The following KCNN2 variants were observed in gnomAD, a reference collection of about 807,000 sequenced individuals.
KCNN2 encodes the protein small conductance calcium-activated potassium channel protein 2.
KCNN2 carries 24 observed loss-of-function variants against 55.5 expected under a neutral mutation model. The observed-to-expected ratio is 0.43, with a 90% CI of 0.31 to 0.61. The LOEUF (loss-of-function observed/expected upper bound fraction) is 0.61. Among genes scored for constraint, KCNN2 ranks in the 20% least tolerant of loss-of-function variants. The pLI is 0.08. For synonymous variants in KCNN2, 431 were observed against 336.1 expected (o/e 1.28, Z -3.09); for missense variants, 754 against 853.6 (o/e 0.88, Z 1.45).
intron 1 of KCNN2, among the ~76,000 whole-genome samples, chr5:114,091,665 A>C (rs943860330): frequency 6.6e-6 from 1 of 152,204 alleles, no homozygotes; most frequent in African/African-American, 2.4e-5. Context: ...TTCACAGTTC[A>C]TTGTGGCTGG....
intron 2 of KCNN2, among the ~76,000 whole-genome samples, chr5:114,238,530 G>T (rs1339839779): frequency 6.6e-6 from 1 of 151,818 alleles, no homozygotes; most frequent in East Asian, 1.9e-4. Context: ...GGGGACTGAG[G>T]CAGGAGAATC....
At chr5:114,407,320 T>A (rs897721209) in intron 3 of KCNN2, among the ~76,000 whole-genome samples, 3 of 152,186 alleles carry the variant, frequency 2.0e-5, no homozygotes, top group Non-Finnish European at 4.4e-5. Context: ...TTTTGCTCTA[T>A]ATATGGAAGA....
At chr5:114,203,049 G>T (rs1753706324) in intron 1 of KCNN2, among the ~76,000 whole-genome samples, 1 of 152,282 alleles carries the variant, frequency 6.6e-6, no homozygotes, top group East Asian at 1.9e-4. Flanking sequence ...GTGAAGGAAA[G>T]CCATTACACA....
At chr5:114,280,906 G>A (rs1485139648) in intron 2 of KCNN2, among the ~76,000 whole-genome samples, 1 of 152,072 alleles carries the variant, frequency 6.6e-6, no homozygotes, top group Non-Finnish European at 1.5e-5. Context: ...GCCTGTCCTT[G>A]TTCTGTTCTC....
chr5:114,445,817 C>G (rs1229348686), intron 3 of KCNN2, among the ~76,000 whole-genome samples: 2 of 152,220 alleles, frequency 1.3e-5, no homozygotes, highest in Non-Finnish European at 2.9e-5. Flanking sequence ...GAGACACTCT[C>G]TTTTATTCTA....
At chr5:114,266,876 T>C (rs886103026) in intron 2 of KCNN2, among the ~76,000 whole-genome samples, 25 of 152,212 alleles carry the variant, frequency 1.6e-4, no homozygotes, top group African/African-American at 6.0e-4. Context: ...TAAGATGTCT[T>C]ATATATGCCC....
In KCNN2 at chr5:114,138,763, G is replaced by A. The variant is rs563242919; in HGVS notation, c.-271+82263G>A. Among the ~76,000 whole-genome samples, 15 of 152,248 alleles carry A rather than the reference G, an allele frequency of 9.9e-5. No individual in the cohort carries two copies. The South Asian group carries it at 3.1e-3, about 32-fold the overall frequency. ...GGGTGTGGGACCCAGATATCTGTAA[G>A]GATGGGAGGTAGAGGAGGAGGAAGA... On this transcript the variant is annotated intron_variant, in intron 1 of 10. Coordinates refer to the KCNN2 transcript ENST00000512097.
intron 5 of KCNN2, among the ~76,000 whole-genome samples, chr5:114,475,865 C>T (rs919599923): frequency 2.0e-5 from 3 of 152,126 alleles, no homozygotes; most frequent in Non-Finnish European, 4.4e-5. Flanking sequence ...GATGATGCTA[C>T]AGCTTTTTTG....
intron 2 of KCNN2, among the ~76,000 whole-genome samples, chr5:114,379,809 C>A (rs1472971421): frequency 7.2e-6 from 1 of 138,974 alleles, no homozygotes; most frequent in Non-Finnish European, 1.5e-5. Context: ...TATTATATAA[C>A]ATATTATATA....
At chr5:114,131,252 C>G (rs1057378473) in intron 1 of KCNN2, among the ~76,000 whole-genome samples, 2 of 152,140 alleles carry the variant, frequency 1.3e-5, no homozygotes, top group African/African-American at 4.8e-5. Flanking sequence ...GCCCTGCAAG[C>G]ATTAGCTGGT....
chr5:114,219,087 G>C (rs1358236785), intron 1 of KCNN2, among the ~76,000 whole-genome samples: 1 of 152,230 alleles, frequency 6.6e-6, no homozygotes, highest in Non-Finnish European at 1.5e-5. Context: ...GATTCAGCCA[G>C]CTGCTTTTGG....
At chr5:114,332,694 G>A (rs1014629754) in intron 2 of KCNN2, among the ~76,000 whole-genome samples, 1 of 152,188 alleles carries the variant, frequency 6.6e-6, no homozygotes, top group African/African-American at 2.4e-5. Context: ...ACTTGCTGAA[G>A]TAACTACTCA....
At chr5:114,331,135 A>G (rs1443201959) in intron 2 of KCNN2, among the ~76,000 whole-genome samples, 1 of 152,194 alleles carries the variant, frequency 6.6e-6, no homozygotes, top group Non-Finnish European at 1.5e-5. Flanking sequence ...CAAGTTTCTG[A>G]GTATAAGCGG....
Position 114,486,724 on chromosome 5 carries a change from T to C in KCNN2, c.1891-326T>C, listed in dbSNP as rs569864116. On this transcript the variant is annotated intron_variant, in intron 5 of 7. Coordinates refer to ENST00000673685, the MANE Select transcript of KCNN2 (RefSeq NM_021614.4). Reference sequence around the variant, plus strand: ...GAAAGGAAGATCATGGAGACAACAATTGCAATACACGGTGGAGAACTCAAC... The same window carrying C: ...GAAAGGAAGATCATGGAGACAACAACTGCAATACACGGTGGAGAACTCAAC... The C allele has an allele frequency of 1.5e-5, 20 of 1,292,292 alleles. No individual in the cohort carries two copies. In the Admixed American group the frequency reaches 1.6e-4, roughly 10 times the overall value. The allele number at this position is 1,292,292 out of a possible 1,614,324, so 80.1% of individuals were successfully genotyped here. A position where few individuals can be genotyped will look rare whatever the true frequency, so the allele number is the denominator to read the frequency against.
At chr5:114,393,973 CAT>C (rs5870606) in intron 2 of KCNN2, among the ~76,000 whole-genome samples, 74,965 of 151,552 alleles carry the variant, frequency 0.49, 19,473 homozygotes, top group African/African-American at 0.64. Flanking sequence ...AACAAATAAT[CAT>C]GTACATTCAC....
chr5:114,159,686 T>A (rs1054361222), intron 1 of KCNN2, among the ~76,000 whole-genome samples: 1 of 152,174 alleles, frequency 6.6e-6, no homozygotes, highest in African/African-American at 2.4e-5. Flanking sequence ...TCAGAGCCTG[T>A]TATTGGTCTA....
intron 2 of KCNN2, among the ~76,000 whole-genome samples, chr5:114,231,933 C>A (rs1203422963): frequency 6.6e-6 from 1 of 150,774 alleles, no homozygotes; most frequent in African/African-American, 2.5e-5. Flanking sequence ...GGATTGGAGG[C>A]TATTAGCATC....
chr5:114,466,496 AC>A (rs1425185479), intron 4 of KCNN2, among the ~76,000 whole-genome samples: 3 of 152,040 alleles, frequency 2.0e-5, no homozygotes, highest in African/African-American at 7.2e-5. Context: ...TATATATAAA[AC>A]ACATCCTGAA....
At chr5:114,281,917 T>A (rs1423853693) in intron 2 of KCNN2, among the ~76,000 whole-genome samples, 1 of 152,094 alleles carries the variant, frequency 6.6e-6, no homozygotes. Context: ...AATACTTAAA[T>A]TTAAATATTT....
Sources: gnomAD v4.1 joint callset for allele counts (sites outside exome capture counted in the v4.1 genomes callset) on GRCh38, gnomAD v4.1.1 for gene constraint, MANE v1.5 for transcripts, NCBI Gene and HGNC (gene_info 2026-07-23, HGNC 2026-07-21) for gene names.